KALRN: variants seen among roughly 807,000 people sequenced by gnomAD.
KALRN encodes kalirin.
KALRN carries 70 observed loss-of-function variants against 353.7 expected under a neutral mutation model. The ratio of observed to expected loss-of-function variants is 0.20; its 90% CI spans 0.16 to 0.24. The LOEUF is 0.24. Ranked by LOEUF, KALRN falls within the 10% of genes least tolerant of loss-of-function variation. KALRN has a pLI of 1.00. For synonymous variants in KALRN, 1,391 were observed against 1,434.8 expected, an observed-to-expected ratio of 0.97 and a Z score of 0.69; for missense variants, 2,791 against 3,756.7, an observed-to-expected ratio of 0.74 and a Z score of 6.72.
intron 34 of KALRN, among the ~76,000 whole-genome samples, chr3:124,617,799 CTT>C (rs1578378879): frequency 6.6e-6 from 1 of 152,120 alleles, no homozygotes; most frequent in Non-Finnish European, 1.5e-5. Context: ...AGTTTGAAAA[CTT>C]TGGATTATCA....
chr3:124,678,138 C>A, intron 49 of KALRN, 52 bp from the exon 50 acceptor site: 1 of 1,601,814 alleles, frequency 6.2e-7, no homozygotes, highest in South Asian at 1.1e-5. Flanking sequence ...CCGCCCTCCA[C>A]ATCGCTGTCC....
chr3:124,163,997 A>G (rs923538409), intron 1 of KALRN: 175 of 985,276 alleles, frequency 1.8e-4, no homozygotes, highest in Non-Finnish European at 2.0e-4. Context: ...AGCAAGAAGC[A>G]TTGTGTTTTG....
intron 10 of KALRN, among the ~76,000 whole-genome samples, chr3:124,357,881 C>T (rs1259089974): frequency 2.6e-5 from 4 of 152,296 alleles, no homozygotes; most frequent in African/African-American, 7.2e-5. Context: ...GAAAGATAAA[C>T]GAATGAGTGC....
At chr3:124,280,500 G>A (rs183509296) in intron 5 of KALRN, among the ~76,000 whole-genome samples, 5 of 152,256 alleles carry the variant, frequency 3.3e-5, no homozygotes, top group East Asian at 1.9e-4. Context: ...GCCTATTTTC[G>A]TTTGACGTGG....
At position 124,347,198 on chromosome 3, in the gene KALRN, T is replaced by C. The variant is rs915365444; in HGVS notation, c.1703T>C (p.Val568Ala). The change falls in exon 10 of 60, where the codon GTT becomes GCT. Residue 568 changes from valine to alanine, a missense_variant. Physicochemically the swap from Val to Ala is moderately conservative, Grantham distance 64. This residue lies in a region of KALRN where 15 missense variants were observed against 54.6 expected (regional missense o/e 0.27). Transcript: ENST00000682506. ...GEAFLSKHTG[V>A]GKSLHRARAL... Reference sequence around the variant, plus strand: ...GCCTTTCTCAGCAAACACACTGGAGTTGGGAAGTCCCTACATCGAGCCCGG... The same window carrying C: ...GCCTTTCTCAGCAAACACACTGGAGCTGGGAAGTCCCTACATCGAGCCCGG... 6.2e-7 allele frequency: 1 copy of C among 1,613,634 alleles called. No individual in the cohort carries two copies. The highest frequency in any genetic ancestry group is 8.5e-7 in the Non-Finnish European group (1 of 1,179,932).
intron 27 of KALRN, among the ~76,000 whole-genome samples, chr3:124,480,169 G>T (rs2061844588): frequency 6.6e-6 from 1 of 151,988 alleles, no homozygotes; most frequent in Non-Finnish European, 1.5e-5. Flanking sequence ...AAGGTGCACT[G>T]TTGCTTGTGC....
chr3:124,399,478 A>G lies in KALRN; in HGVS notation c.2346+607A>G, dbSNP rs981509008. On this transcript the variant is annotated intron_variant, in intron 13 of 59. Coordinates refer to ENST00000682506, the MANE Select transcript of KALRN (RefSeq NM_001388419.1). ...GCTATCCGTTAGACTCTTACTTGGC[A>G]TTTTCCTGAAATACCATCCATGGAG... is the stretch of plus-strand genomic sequence containing the variant. Among the ~76,000 whole-genome samples the G allele has an allele frequency of 4.6e-5, 7 of 152,274 alleles. No homozygotes were observed. In the South Asian group the frequency reaches 6.2e-4, roughly 14 times the overall value.
chr3:124,235,416 G>C (rs2079636195), intron 3 of KALRN, among the ~76,000 whole-genome samples: 1 of 152,170 alleles, frequency 6.6e-6, no homozygotes, highest in African/African-American at 2.4e-5. Context: ...TCGGGGCCTA[G>C]GATGATAATT....
chr3:124,355,709 C>CTTTTTTTTTTTTTTTTTT (rs3055894), intron 10 of KALRN, among the ~76,000 whole-genome samples: 2 of 97,446 alleles, frequency 2.1e-5, no homozygotes, highest in African/African-American at 8.1e-5. Context: ...TCTCTCCCAT[C>CTTTTTTTTTTTTTTTTTT]TTTTTTTTTT....
intron 14 of KALRN, among the ~76,000 whole-genome samples, chr3:124,418,426 A>T (rs2092619481): frequency 6.6e-6 from 1 of 152,130 alleles, no homozygotes; most frequent in Non-Finnish European, 1.5e-5. Context: ...TGATCTAAAA[A>T]CCTCATTAAA....
chr3:124,667,176 T>G lies in KALRN; in HGVS notation c.6696T>G (p.Phe2232Leu), dbSNP rs769621632. ...AAGTCTTAGAAACACAGCGAGACTT[T>G]TTGAATGGTGGGTGCTGGGCTTGGT... ...INQVLETQRD[F>L]LNALQSPIEY... The change falls in exon 47 of 60, where the codon TTT becomes TTG. Residue 2232 changes from phenylalanine (F) to leucine (L), a missense_variant. By Grantham distance (22) the Phe-to-Leu change is conservative (BLOSUM62 0). Coordinates refer to ENST00000682506, the MANE Select transcript of KALRN (RefSeq NM_001388419.1). The G allele has an allele frequency of 1.2e-6, 2 of 1,613,558 alleles. No individual in the cohort carries two copies. Among genetic ancestry groups the G allele is most frequent in the South Asian group, 2.2e-5 (2 of 91,008 alleles).
intron 1 of KALRN, among the ~76,000 whole-genome samples, chr3:124,227,575 T>A (rs558494105): frequency 6.6e-6 from 1 of 151,966 alleles, no homozygotes; most frequent in East Asian, 1.9e-4. Flanking sequence ...GTGCTGAGTA[T>A]GTTCAAGACA....
intron 33 of KALRN, among the ~76,000 whole-genome samples, chr3:124,497,587 C>T (rs966106247): frequency 3.3e-5 from 5 of 152,126 alleles, no homozygotes; most frequent in Admixed American, 6.5e-5. Flanking sequence ...GACAACTGCC[C>T]TCAAGTTTTT....
chr3:124,364,608 G>A (rs1004619659), intron 10 of KALRN, among the ~76,000 whole-genome samples: 1 of 152,170 alleles, frequency 6.6e-6, no homozygotes, highest in African/African-American at 2.4e-5. Context: ...GTCCTTAGTG[G>A]CTATGTGGTG....
chr3:124,643,526 G>A (rs1264560529), intron 37 of KALRN, among the ~76,000 whole-genome samples: 1 of 152,190 alleles, frequency 6.6e-6, no homozygotes, highest in Admixed American at 6.5e-5. Context: ...CTGTCGCCCA[G>A]ACTGGAGTGC....
rs890544051 is a variant in KALRN at position 124,353,175 on chromosome 3, T to TA, written c.1770+5919dup. Among the ~76,000 whole-genome samples, 33 of 151,420 alleles carry TA rather than the reference T, an allele frequency of 2.2e-4. 1 individual carries two copies. The South Asian group carries it at 3.4e-3, about 15-fold the overall frequency. Reference sequence around the variant, plus strand: ...TGTTGACTTAGTAAAACTGGAACTATAAAAAAAAATCATTCAAAATAGGTA... The same window carrying TA: ...TGTTGACTTAGTAAAACTGGAACTATAAAAAAAAAATCATTCAAAATAGGTA... On this transcript the variant is annotated intron_variant, in intron 10 of 59. Transcript: ENST00000682506.
chr3:124,433,640 T>G lies in KALRN; in HGVS notation c.2830-667T>G, dbSNP rs913352044. Among the ~76,000 whole-genome samples, 8 of 147,840 alleles carry G rather than the reference T, an allele frequency of 5.4e-5. No homozygotes were observed. The East Asian group carries it at 1.6e-3, about 29-fold the overall frequency. On this transcript the variant is annotated intron_variant, in intron 16 of 59. Coordinates refer to ENST00000682506, the MANE Select transcript of KALRN (RefSeq NM_001388419.1). ...AAGGAAAGAAAATAGACCTTCTACA[T>G]ATATATGTATCTCCTCAAGGGATAT...
chr3:124,370,325 A>C (rs1041622113), intron 10 of KALRN, among the ~76,000 whole-genome samples: 4 of 152,342 alleles, frequency 2.6e-5, no homozygotes, highest in African/African-American at 9.6e-5. Context: ...TTCTCAAAAA[A>C]AAAATAACCG....
intron 16 of KALRN, among the ~76,000 whole-genome samples, chr3:124,432,376 T>A (rs2093312695): frequency 6.6e-6 from 1 of 152,160 alleles, no homozygotes; most frequent in Non-Finnish European, 1.5e-5. Flanking sequence ...ATTGCGCCAC[T>A]GCACTCCAGC....
Sources: allele counts gnomAD v4.1 joint callset (sites outside exome capture counted in the v4.1 genomes callset), GRCh38; gene constraint gnomAD v4.1.1; regional missense constraint gnomAD v4.1.1; transcripts MANE v1.5; gene names NCBI Gene and HGNC (gene_info 2026-07-23, HGNC 2026-07-21).